NDUFB7: variants seen among roughly 807,000 people sequenced by gnomAD.
The protein encoded by NDUFB7 is NADH dehydrogenase [ubiquinone] 1 beta subcomplex subunit 7.
In NDUFB7, 18 loss-of-function variants were observed where a neutral mutation model predicts 14.7. The observed-to-expected ratio is 1.22, with a 90% CI of 0.85 to 1.81. The LOEUF (loss-of-function observed/expected upper bound fraction) is 1.81, where lower values mean the gene tolerates loss of function less well. Ranked by LOEUF, NDUFB7 falls within the 40% of genes most tolerant of loss-of-function variation. The pLI, the probability that NDUFB7 is intolerant of heterozygous loss-of-function variation, is 0.00. For synonymous variants in NDUFB7, 86 were observed against 76.1 expected, an observed-to-expected ratio of 1.13 and a Z score of -0.68; for missense variants, 219 against 195.0, an observed-to-expected ratio of 1.12 and a Z score of -0.73.
chr19:14,570,819 G>C lies in NDUFB7; in HGVS notation c.112+1070C>G, dbSNP rs534049513. 2.6e-5 allele frequency among the ~76,000 whole-genome samples: 4 copies of C among 152,256 alleles called. No individual in the cohort carries two copies. The East Asian group carries it at 7.7e-4, about 29-fold the overall frequency. On this transcript the variant is annotated intron_variant, in intron 1 of 2. Transcript: ENST00000215565. The stretch of plus-strand genomic sequence containing the variant: ...GGACGTGGCCCAGAGCTGGTGCTCG[G>C]TATGCCTGTGATATTACTACATTAA...
intron 1 of NDUFB7, among the ~76,000 whole-genome samples, chr19:14,569,801 C>A (rs539317601): frequency 1.3e-5 from 2 of 152,308 alleles, no homozygotes; most frequent in African/African-American, 4.8e-5. Context: ...TTTGACCAAC[C>A]AAAACTGATT....
Position 14,566,171 on chromosome 19 carries a change from G to C in NDUFB7, c.376C>G (p.Gln126Glu). 6.2e-7 allele frequency: 1 copy of C among 1,613,424 alleles called. No individual in the cohort carries two copies. The highest frequency in any genetic ancestry group is 8.5e-7 in the Non-Finnish European group (1 of 1,179,752). ...TTGGGGTCCACTTCCCCGGGTCCCT[G>C]GCCTTTGGCCAACTCTGCCGCCTTC... ...EKKAAELAKG[Q>E]GPGEVDPKVA... The change falls in exon 3 of 3, where the codon CAG (glutamine) becomes GAG (glutamate). Residue 126 changes from glutamine (Q) to glutamate (E), a missense_variant. Gln to Glu is a conservative substitution (Grantham distance 29, BLOSUM62 2). Transcript: ENST00000215565.
At chr19:14,569,001 C>T (rs1318519572) in intron 1 of NDUFB7, among the ~76,000 whole-genome samples, 1 of 152,152 alleles carries the variant, frequency 6.6e-6, no homozygotes, top group East Asian at 1.9e-4. Context: ...ATGGTAAAAC[C>T]CTGTCTCTAC....
rs146430724 is a variant in NDUFB7 at position 14,568,923 on chromosome 19, C to T, written c.113-1990G>A. ...GGCGCGGTGGCTCACGCCTGTAAAC[C>T]CAGCACTTTGGGAGGCCGAGGCAGG... On this transcript the variant is annotated intron_variant, in intron 1 of 2. Transcript: ENST00000215565. 1.0e-3 allele frequency among the ~76,000 whole-genome samples: 157 copies of T among 152,054 alleles called. 1 individual carries two copies. Among genetic ancestry groups the T allele is most frequent in the African/African-American group, 3.6e-3 (149 of 41,504 alleles).
In NDUFB7 at chr19:14,566,220, G is replaced by C. The variant is rs751487594; in HGVS notation, c.327C>G (p.Leu109=). ...MKEFERERRL[L]QRKKRREKKA... is the part of the protein sequence containing the mutation. ...TCTTCTCCCGCCGCTTCTTCCGCTG[G>C]AGCAGCCTCCGCTCCCGCTCAAACT... is the stretch of plus-strand genomic sequence containing the variant. The change falls in exon 3 of 3, where the codon CTC becomes CTG. Residue 109 remains leucine, a synonymous_variant. Transcript: ENST00000215565. 8 of 1,614,082 alleles carry C rather than the reference G, an allele frequency of 5.0e-6. No individual in the cohort carries two copies. The highest frequency in any genetic ancestry group is 1.7e-5 in the Admixed American group (1 of 60,012).
At chr19:14,571,760 A>T in intron 1 of NDUFB7, 129 bp downstream of exon 1, 1 of 838,464 alleles carries the variant, frequency 1.2e-6, no homozygotes, top group Non-Finnish European at 1.9e-6. Context: ...GTGGACTCCT[A>T]GTCTAGACCC....
chr19:14,567,750 C>T lies in NDUFB7; in HGVS notation c.113-817G>A, dbSNP rs78310793. Among the ~76,000 whole-genome samples the T allele has an allele frequency of 0.035, 5,255 of 152,190 alleles. 301 individuals carry two copies. Among genetic ancestry groups the T allele is most frequent in the African/African-American group, 0.12 (4,981 of 41,500 alleles). On this transcript the variant is annotated intron_variant, in intron 1 of 2. Transcript: ENST00000215565. The surrounding 1 kb of genome is among the most constrained non-coding windows in gnomAD (Gnocchi z 5.1). ...CTCCTTCCCATCTGCGCAAGTGAGA[C>T]GAGATATATTCACATCTCAATGGCA...
Position 14,566,796 on chromosome 19 carries a change from G to T in NDUFB7, c.250C>A (p.Arg84=). The T allele has an allele frequency of 1.3e-6, 2 of 1,546,426 alleles. No homozygotes were observed. The highest frequency in any genetic ancestry group is 8.7e-7 in the Non-Finnish European group (1 of 1,146,876). Residue 84 remains arginine, a synonymous_variant, in exon 2 of 3, where the codon CGG becomes AGG. Transcript: ENST00000215565. The part of the protein sequence containing the change: ...FPNFLACKQE[R]HDWDYCEHRD... ...TGCTCGCAGTAGTCCCAGTCGTGCC[G>T]CTCCTGCTTGCAGGCCAGGAAGTTG...
chr19:14,570,238 C>T (rs1391256671), intron 1 of NDUFB7, among the ~76,000 whole-genome samples: 2 of 151,464 alleles, frequency 1.3e-5, no homozygotes, highest in Admixed American at 6.6e-5. Flanking sequence ...CTTGCTCTGT[C>T]GCCCAGGCTG....
intron 2 of NDUFB7, 66 bp from the exon 3 acceptor site, chr19:14,566,331 A>G: frequency 1.1e-5 from 17 of 1,607,350 alleles, no homozygotes; most frequent in Non-Finnish European, 1.4e-5. Flanking sequence ...AAGCCCTGGG[A>G]AGCGGAGGGG....
At chr19:14,569,776 TAGAC>T (rs1201637965) in intron 1 of NDUFB7, among the ~76,000 whole-genome samples, 7 of 152,212 alleles carry the variant, frequency 4.6e-5, no homozygotes, top group Non-Finnish European at 1.0e-4. Context: ...GCCCACTCAG[TAGAC>T]AGTGTGACCT....
intron 1 of NDUFB7, among the ~76,000 whole-genome samples, chr19:14,570,552 G>A (rs1192677743): frequency 6.6e-6 from 1 of 151,782 alleles, no homozygotes; most frequent in Non-Finnish European, 1.5e-5. Flanking sequence ...GGCCAGGCTG[G>A]TCTCAAACTC....
At chr19:14,571,377 C>T (rs1417230305) in intron 1 of NDUFB7, among the ~76,000 whole-genome samples, 1 of 152,064 alleles carries the variant, frequency 6.6e-6, no homozygotes, top group Non-Finnish European at 1.5e-5. Context: ...GGGCGGATCA[C>T]TTGAGGTCAG....
intron 1 of NDUFB7, among the ~76,000 whole-genome samples, chr19:14,571,157 A>T (rs772918863): frequency 5.3e-5 from 8 of 152,102 alleles, no homozygotes; most frequent in Non-Finnish European, 1.0e-4. Flanking sequence ...ATCCCGTCTC[A>T]AAGCAAAACA....
intron 1 of NDUFB7, among the ~76,000 whole-genome samples, chr19:14,569,066 T>G (rs1187183922): frequency 6.6e-6 from 1 of 151,850 alleles, no homozygotes; most frequent in Non-Finnish European, 1.5e-5. Flanking sequence ...TCCCAGCTAC[T>G]CGGGAGGCTG....
chr19:14,571,864 G>T, intron 1 of NDUFB7, 25 bp downstream of exon 1: 1 of 1,591,726 alleles, frequency 6.3e-7, no homozygotes, highest in Non-Finnish European at 8.5e-7. Context: ...ACGCCCTCTG[G>T]CTGCGCCTGC....
Position 14,566,943 on chromosome 19 carries a change from G to A in NDUFB7, c.113-10C>T. The A allele has an allele frequency of 6.4e-7, 1 of 1,573,960 alleles. No homozygotes were observed. Among genetic ancestry groups the A allele is most frequent in the Non-Finnish European group, 8.6e-7 (1 of 1,164,460 alleles). On this transcript the variant is annotated splice_polypyrimidine_tract_variant and intron_variant, in intron 1 of 2. Coordinates refer to ENST00000215565, the MANE Select transcript of NDUFB7 (RefSeq NM_004146.6). ...TGTGTGGCCACCATCTCTGCAGGGA[G>A]TGGGCGGGGCTCAACCAGGCTGGAG...
At position 14,567,765 on chromosome 19, in the gene NDUFB7, T is replaced by C. The variant is rs536933913; in HGVS notation, c.113-832A>G. On this transcript the variant is annotated intron_variant, in intron 1 of 2. Coordinates refer to ENST00000215565, the MANE Select transcript of NDUFB7 (RefSeq NM_004146.6). The surrounding 1 kb of genome is among the most constrained non-coding windows in gnomAD (Gnocchi z 5.1). ...GCAAGTGAGACGAGATATATTCACATCTCAATGGCAGTCGTCCCCTGCTGG... is the reference window on the plus strand; with the variant it reads ...GCAAGTGAGACGAGATATATTCACACCTCAATGGCAGTCGTCCCCTGCTGG... Among the ~76,000 whole-genome samples, 1 of 152,054 alleles carries C rather than the reference T, an allele frequency of 6.6e-6. No homozygotes were observed. Among genetic ancestry groups the C allele is most frequent in the African/African-American group, 2.4e-5 (1 of 41,384 alleles).
At position 14,567,034 on chromosome 19, in the gene NDUFB7, TG is replaced by T. The variant is rs1306931299; in HGVS notation, c.113-102del. The T allele has an allele frequency of 2.4e-6, 3 of 1,251,484 alleles. No homozygotes were observed. In the Admixed American group the frequency reaches 6.8e-5, roughly 29 times the overall value. 77.5% of individuals were successfully genotyped at this position (1,251,484 alleles called of 1,614,324 possible). On this transcript the variant is annotated intron_variant, in intron 1 of 2. Transcript: ENST00000215565. This position sits in a 1 kb window ranked among gnomAD's most constrained non-coding sequence, Gnocchi z 5.1. ...CACACGGCTTCAGGAAGGCACGGCT[TG>T]GGGTGTCCCCCATTCACATCCAGAT...
Sources: allele counts gnomAD v4.1 joint callset (sites outside exome capture counted in the v4.1 genomes callset), GRCh38; gene constraint gnomAD v4.1.1; non-coding constraint Gnocchi (gnomAD v3.1); transcripts MANE v1.5; gene names NCBI Gene and HGNC (gene_info 2026-07-23, HGNC 2026-07-21).